Variants in TRAPPC9 observed in about 807,000 individuals in gnomAD.
TRAPPC9 encodes trafficking protein particle complex subunit 9.
Under a neutral mutation model 124.0 loss-of-function variants are expected in TRAPPC9, and 83 were observed. The ratio of observed to expected loss-of-function variants is 0.67; its 90% CI spans 0.56 to 0.80. The LOEUF (loss-of-function observed/expected upper bound fraction) is 0.80. Ranked by LOEUF, TRAPPC9 falls within the 30% of genes least tolerant of loss-of-function variation. The pLI is 0.00. For synonymous variants in TRAPPC9, 638 were observed against 617.5 expected (o/e 1.03, Z -0.49); for missense variants, 1,302 against 1,508.3 (o/e 0.86, Z 2.27).
chr8:139,740,244 A>C (rs1274312813), intron 21 of TRAPPC9, among the ~76,000 whole-genome samples: 1 of 152,202 alleles, frequency 6.6e-6, no homozygotes, highest in African/African-American at 2.4e-5. Context: ...TTCACATTTA[A>C]TACCAGCCAG....
intron 19 of TRAPPC9, among the ~76,000 whole-genome samples, chr8:139,965,447 C>T (rs1315015284): frequency 6.6e-6 from 1 of 152,204 alleles, no homozygotes; most frequent in Non-Finnish European, 1.5e-5. Flanking sequence ...ACACGTCCTC[C>T]TCAGGGGAGT....
intron 17 of TRAPPC9, among the ~76,000 whole-genome samples, chr8:140,034,210 T>C (rs1422957025): frequency 6.6e-6 from 1 of 152,246 alleles, no homozygotes; most frequent in Non-Finnish European, 1.5e-5. Flanking sequence ...GCTTGCTAAG[T>C]AGAATTACAT....
At chr8:139,772,103 C>T (rs545298530) in intron 21 of TRAPPC9, among the ~76,000 whole-genome samples, 3 of 152,356 alleles carry the variant, frequency 2.0e-5, no homozygotes, top group African/African-American at 7.2e-5. Flanking sequence ...ACCTCTGAGG[C>T]CTACAGATAA....
chr8:140,115,068 T>C (rs11166953), intron 17 of TRAPPC9, among the ~76,000 whole-genome samples: 18,833 of 152,002 alleles, frequency 0.12, 1,744 homozygotes, highest in African/African-American at 0.26. Context: ...AGTGTGCTAA[T>C]TGAAGCAATA....
At chr8:139,959,420 T>C (rs1247224509) in intron 19 of TRAPPC9, among the ~76,000 whole-genome samples, 3 of 152,102 alleles carry the variant, frequency 2.0e-5, no homozygotes, top group Admixed American at 6.5e-5. Context: ...TTATCCCCAT[T>C]TTATGGCCAA....
At chr8:140,194,477 C>CT in intron 17 of TRAPPC9, among the ~76,000 whole-genome samples, 1 of 152,290 alleles carries the variant, frequency 6.6e-6, no homozygotes, top group East Asian at 1.9e-4. Flanking sequence ...GGAAAAATGT[C>CT]TGTACATGTT....
chr8:139,781,740 T>C (rs1361016513), intron 21 of TRAPPC9, among the ~76,000 whole-genome samples: 1 of 151,968 alleles, frequency 6.6e-6, no homozygotes, highest in East Asian at 1.9e-4. Context: ...GTGTGTGCGG[T>C]GGGAGGGAGG....
intron 17 of TRAPPC9, among the ~76,000 whole-genome samples, chr8:140,092,509 G>C (rs1485101485): frequency 2.6e-5 from 4 of 152,072 alleles, no homozygotes; most frequent in Admixed American, 6.6e-5. Context: ...AGTGCATAGA[G>C]CATCTAAAAT....
intron 18 of TRAPPC9, among the ~76,000 whole-genome samples, chr8:139,997,349 G>A (rs1038264752): frequency 6.7e-5 from 10 of 149,122 alleles, no homozygotes; most frequent in African/African-American, 2.0e-4. Flanking sequence ...GGCAGACAAC[G>A]CATCCTACAC....
chr8:140,292,031 C>A (rs560325783), intron 11 of TRAPPC9, among the ~76,000 whole-genome samples: 1 of 152,206 alleles, frequency 6.6e-6, no homozygotes, highest in African/African-American at 2.4e-5. Context: ...CTGAAGCCCA[C>A]ACAAATCATG....
intron 7 of TRAPPC9, among the ~76,000 whole-genome samples, chr8:140,390,527 T>C (rs1205995314): frequency 1.3e-5 from 2 of 152,042 alleles, no homozygotes; most frequent in Admixed American, 1.3e-4. Flanking sequence ...TCTCCCTCTT[T>C]CCTCACTTTA....
chr8:140,170,065 A>G (rs994896780), intron 17 of TRAPPC9, among the ~76,000 whole-genome samples: 13 of 152,142 alleles, frequency 8.5e-5, no homozygotes, highest in Non-Finnish European at 1.3e-4. Flanking sequence ...ATGACTTTTT[A>G]AAAGCATTTT....
chr8:140,297,285 T>C (rs987574053), intron 11 of TRAPPC9, among the ~76,000 whole-genome samples: 2 of 152,038 alleles, frequency 1.3e-5, no homozygotes, highest in African/African-American at 4.8e-5. Context: ...AGACTAAAAA[T>C]GGCATTTTAA....
chr8:140,251,810 A>G (rs1420978740), intron 16 of TRAPPC9, among the ~76,000 whole-genome samples: 2 of 152,330 alleles, frequency 1.3e-5, no homozygotes, highest in Non-Finnish European at 2.9e-5. Flanking sequence ...GAAGGTGGCC[A>G]TCTGCAAGCC....
intron 17 of TRAPPC9, among the ~76,000 whole-genome samples, chr8:140,072,443 G>C (rs371260995): frequency 1.3e-5 from 2 of 152,010 alleles, no homozygotes; most frequent in Non-Finnish European, 2.9e-5. Context: ...GCTTGAACGC[G>C]GGAGGCAGAG....
At chr8:140,228,590 T>C (rs2063507568) in intron 16 of TRAPPC9, among the ~76,000 whole-genome samples, 1 of 152,238 alleles carries the variant, frequency 6.6e-6, no homozygotes, top group East Asian at 1.9e-4. Flanking sequence ...CTTCCTTCTG[T>C]TGGATGCTCC....
chr8:140,298,943 T>C (rs574869117), intron 11 of TRAPPC9, among the ~76,000 whole-genome samples: 3 of 152,338 alleles, frequency 2.0e-5, no homozygotes, highest in South Asian at 2.1e-4. Context: ...TCAGGTGATA[T>C]TGCAGGACAA....
intron 16 of TRAPPC9, among the ~76,000 whole-genome samples, chr8:140,225,364 A>G (rs548809560): frequency 1.3e-5 from 2 of 152,214 alleles, no homozygotes; most frequent in Non-Finnish European, 2.9e-5. Context: ...GCTCAATAAA[A>G]ATTCCATCAT....
At chr8:140,423,607 CACAT>C (rs972886633) in intron 5 of TRAPPC9, among the ~76,000 whole-genome samples, 1 of 150,534 alleles carries the variant, frequency 6.6e-6, no homozygotes, top group Non-Finnish European at 1.5e-5. Context: ...CACACACACA[CACAT>C]CACATATATA....
Sources: gnomAD v4.1 joint callset for allele counts (sites outside exome capture counted in the v4.1 genomes callset) on GRCh38, gnomAD v4.1.1 for gene constraint, MANE v1.5 for transcripts, NCBI Gene and HGNC (gene_info 2026-07-23, HGNC 2026-07-21) for gene names.